TUBGCP3: variants seen among roughly 807,000 people sequenced by gnomAD.
TUBGCP3 encodes the protein tubulin gamma complex component 3.
Under a neutral mutation model 123.1 loss-of-function variants are expected in TUBGCP3, and 50 were observed. The observed-to-expected ratio is 0.41, with a 90% confidence interval of 0.32 to 0.51. The LOEUF is 0.51. Among genes scored for constraint, TUBGCP3 ranks in the 20% least tolerant of loss-of-function variants. The pLI is 0.36. For missense variants in TUBGCP3, 882 were observed against 1,127.0 expected, an observed-to-expected ratio of 0.78 and a Z score of 3.11; for synonymous variants, 405 against 413.9, an observed-to-expected ratio of 0.98 and a Z score of 0.26.
At chr13:112,559,886 G>T (rs1020155160) in intron 3 of TUBGCP3, among the ~76,000 whole-genome samples, 4 of 152,220 alleles carry the variant, frequency 2.6e-5, no homozygotes, top group Non-Finnish European at 4.4e-5. Context: ...TGTAATCCCA[G>T]CACTTTGGAA....
the TUBGCP3 span, among the ~76,000 whole-genome samples, chr13:112,595,158 A>AT: frequency 6.6e-6 from 1 of 151,698 alleles, no homozygotes; most frequent in Non-Finnish European, 1.5e-5. Flanking sequence ...TCTAACAATA[A>AT]TTGTGGATTG....
In TUBGCP3 at chr13:112,547,579, G is replaced by A. The variant is rs572780656; in HGVS notation, c.1168+41C>T. On this transcript the variant is annotated intron_variant, in intron 10 of 21. Transcript: ENST00000261965. ...TGGGAAAGTCGCGCGTGGGAAAGTC[G>A]CGCGTGGGAAAGACGTGCGTGGGAA... 3.5e-5 allele frequency: 50 copies of A among 1,439,890 alleles called. No individual in the cohort carries two copies. The East Asian group carries it at 8.1e-4, about 23-fold the overall frequency. The allele number at this position is 1,439,890 out of a possible 1,614,324, so 89.2% of individuals were successfully genotyped here.
chr13:112,556,091 G>A lies in TUBGCP3; in HGVS notation c.682C>T (p.Arg228Cys), dbSNP rs763621687. 8.1e-6 allele frequency: 13 copies of A among 1,613,904 alleles called. No homozygotes were observed. The highest frequency in any genetic ancestry group is 6.7e-5 in the African/African-American group (5 of 74,892). Residue 228 changes from arginine (R) to cysteine (C), a missense_variant, in exon 6 of 22, where the codon CGC becomes TGC. Physicochemically the swap from Arg to Cys is radical, Grantham distance 180. Transcript: ENST00000261965. ...TCTCTCCTGGACCTTGTCATGTTGC[G>A]AGACACAGCACTGGGGACACCTTTT... is the stretch of plus-strand genomic sequence containing the variant. The part of the protein sequence containing the change: ...TSKGVPSAVS[R>C]NMTRSRREGD...
In TUBGCP3 at chr13:112,557,006, T is replaced by TA. The variant is rs201417486; in HGVS notation, c.549-783dup. Among the ~76,000 whole-genome samples the TA allele has an allele frequency of 9.3e-3, 1,415 of 152,290 alleles. 22 individuals are homozygous for TA. Among genetic ancestry groups the TA allele is most frequent in the African/African-American group, 0.032 (1,331 of 41,540 alleles). ...GTACTGGTGCAATACTGGGGGGGTT[T>TA]ATCCATAATCCACTCGTGAAGTAAG... On this transcript the variant is annotated intron_variant, in intron 5 of 21. Transcript: ENST00000261965.
intron 21 of TUBGCP3, among the ~76,000 whole-genome samples, chr13:112,488,805 A>C (rs1380743986): frequency 4.5e-4 from 44 of 97,878 alleles, no homozygotes; most frequent in Admixed American, 4.9e-4. Context: ...CAGGGGAGCA[A>C]AGGGGTCACC....
intron 8 of TUBGCP3, among the ~76,000 whole-genome samples, 181 bp from the exon 9 acceptor site, chr13:112,548,357 A>G (rs1288017473): frequency 6.6e-6 from 1 of 152,232 alleles, no homozygotes; most frequent in Non-Finnish European, 1.5e-5. Flanking sequence ...TAATAATATG[A>G]AAAAAGTGTT....
intron 14 of TUBGCP3, among the ~76,000 whole-genome samples, chr13:112,520,507 C>A (rs1876527976): frequency 6.6e-6 from 1 of 151,894 alleles, no homozygotes; most frequent in Non-Finnish European, 1.5e-5. Flanking sequence ...GCCTGGGTGA[C>A]AGACAGAGCG....
At chr13:112,534,370 C>T (rs935727587) in intron 11 of TUBGCP3, among the ~76,000 whole-genome samples, 5 of 152,130 alleles carry the variant, frequency 3.3e-5, no homozygotes, top group Non-Finnish European at 7.4e-5. Flanking sequence ...CACGGTGAAA[C>T]CCCATCTCTA....
chr13:112,550,268 A>T (rs1879451285), intron 8 of TUBGCP3, among the ~76,000 whole-genome samples: 1 of 152,196 alleles, frequency 6.6e-6, no homozygotes, highest in South Asian at 2.1e-4. Context: ...TTGTTTTTTA[A>T]ACTTGTTTTC....
intron 1 of TUBGCP3, among the ~76,000 whole-genome samples, chr13:112,579,777 G>A (rs1345792716): frequency 6.6e-6 from 1 of 152,226 alleles, no homozygotes; most frequent in Non-Finnish European, 1.5e-5. Flanking sequence ...AAAGAGTCTG[G>A]CAACTTCTGA....
chr13:112,534,916 G>A (rs572038600), intron 11 of TUBGCP3, among the ~76,000 whole-genome samples: 1 of 152,236 alleles, frequency 6.6e-6, no homozygotes, highest in African/African-American at 2.4e-5. Context: ...GAGAAACTCC[G>A]TACCCATTAA....
At chr13:112,568,604 T>A (rs1566585605) in intron 2 of TUBGCP3, among the ~76,000 whole-genome samples, 1 of 152,220 alleles carries the variant, frequency 6.6e-6, no homozygotes, top group Non-Finnish European at 1.5e-5. Flanking sequence ...AAGGCCAACA[T>A]CTACTCCACT....
chr13:112,517,205 G>A (rs1345674031), intron 16 of TUBGCP3, among the ~76,000 whole-genome samples: 1 of 151,946 alleles, frequency 6.6e-6, no homozygotes, highest in East Asian at 1.9e-4. Context: ...TTTAGGAGAG[G>A]TGTGTTTTTG....
chr13:112,588,182 C>T (rs1594244354), upstream of TUBGCP3: 1 of 422,666 alleles, frequency 2.4e-6, no homozygotes, highest in African/African-American at 2.1e-5. Context: ...CCCGCTTCTT[C>T]CCTGCGCCGC....
intron 11 of TUBGCP3, among the ~76,000 whole-genome samples, chr13:112,541,894 TAC>T (rs1223219056): frequency 1.3e-5 from 2 of 152,204 alleles, no homozygotes; most frequent in Non-Finnish European, 2.9e-5. Context: ...ACGAAGAGGA[TAC>T]AGATTCTTTA....
At chr13:112,498,768 T>C in intron 20 of TUBGCP3, 1 of 1,538,606 alleles carries the variant, frequency 6.5e-7, no homozygotes, top group Admixed American at 2.0e-5. Flanking sequence ...ACATCGGCAT[T>C]GTGGCACTCA....
chr13:112,577,583 T>C (rs1377494767), intron 1 of TUBGCP3, among the ~76,000 whole-genome samples: 1 of 152,168 alleles, frequency 6.6e-6, no homozygotes, highest in African/African-American at 2.4e-5. Context: ...CACCGAGTGC[T>C]AAGTGAGGAA....
intron 11 of TUBGCP3, among the ~76,000 whole-genome samples, chr13:112,541,523 C>G (rs1878514227): frequency 7.4e-6 from 1 of 134,932 alleles, no homozygotes; most frequent in Admixed American, 8.0e-5. Flanking sequence ...GCCTCGGCGG[C>G]AGAGCAAGAC....
rs75991130 is a variant in TUBGCP3 at position 112,582,422 on chromosome 13, C to A, written c.76+5483G>T. Among the ~76,000 whole-genome samples the A allele has an allele frequency of 9.7e-3, 1,482 of 152,308 alleles. 18 individuals are homozygous for A. The highest frequency in any genetic ancestry group is 0.034 in the African/African-American group (1,425 of 41,556). On this transcript the variant is annotated intron_variant, in intron 1 of 21. Transcript: ENST00000261965. ...GTCAAAGAAAATGAGGGCACTATGA[C>A]AGCTCATGACCAGGAGGACCTCGTG...
Sources: gnomAD v4.1 joint callset for allele counts (sites outside exome capture counted in the v4.1 genomes callset) on GRCh38, gnomAD v4.1.1 for gene constraint, MANE v1.5 for transcripts, NCBI Gene and HGNC (gene_info 2026-07-23, HGNC 2026-07-21) for gene names.